DYRK1A: variants seen among roughly 807,000 people sequenced by gnomAD.
The protein encoded by DYRK1A is dual specificity tyrosine phosphorylation regulated kinase 1A.
Under a neutral mutation model 79.7 loss-of-function variants are expected in DYRK1A, and 9 were observed. The observed-to-expected ratio is 0.11, with a 90% CI of 0.07 to 0.20. The LOEUF is 0.20. Ranked by LOEUF, DYRK1A falls within the 10% of genes least tolerant of loss-of-function variation. The pLI, the probability that DYRK1A is intolerant of heterozygous loss-of-function variation, is 1.00. For synonymous variants in DYRK1A, 349 were observed against 329.7 expected (o/e 1.06, Z -0.63); for missense variants, 622 against 956.0 (o/e 0.65, Z 4.61).
At chr21:37,389,178 C>T (rs12482631) in intron 1 of DYRK1A, among the ~76,000 whole-genome samples, 11,778 of 151,182 alleles carry the variant, frequency 0.078, 693 homozygotes, top group Non-Finnish European at 0.12. Context: ...ACTACTTGGC[C>T]TTACTTTTCT....
At chr21:37,442,862 T>C (rs2051150132) in intron 2 of DYRK1A, among the ~76,000 whole-genome samples, 1 of 152,174 alleles carries the variant, frequency 6.6e-6, no homozygotes. Context: ...TGAGACAGGG[T>C]CTCACTCTGT....
chr21:37,422,894 GTACT>G (rs2050514362), intron 2 of DYRK1A, among the ~76,000 whole-genome samples: 1 of 152,140 alleles, frequency 6.6e-6, no homozygotes, highest in African/African-American at 2.4e-5. Flanking sequence ...AGGTGTTCCT[GTACT>G]TACTTAATTT....
At position 37,490,651 on chromosome 21, in the gene DYRK1A, C is replaced by G. The variant is rs548428323; in HGVS notation, c.924+190C>G. Among the ~76,000 whole-genome samples, 172 of 149,750 alleles carry G rather than the reference C, an allele frequency of 1.1e-3. 3 individuals carry two copies. The South Asian group carries it at 0.036, about 31-fold the overall frequency. ...ATTTGAAATGTTAATAAGGTGTATA[C>G]CATTTAGAGGCAATTACAGGATGCT... On this transcript the variant is annotated intron_variant, in intron 7 of 11. Transcript: ENST00000647188.
chr21:37,405,195 C>A (rs1035841144), intron 1 of DYRK1A, among the ~76,000 whole-genome samples: 1 of 152,020 alleles, frequency 6.6e-6, no homozygotes, highest in Admixed American at 6.5e-5. Flanking sequence ...GCAGTTGAAC[C>A]CCGCTTCCCA....
At position 37,482,230 on chromosome 21, in the gene DYRK1A, C is replaced by T. The variant is rs201646992; in HGVS notation, c.489+1404C>T. On this transcript the variant is annotated intron_variant, in intron 5 of 11. Transcript: ENST00000647188. ...TAAAACAGAAAGTGTTCTGTATTATCGGGGGAAATTCAGCCAGATATCGGG... is the reference window on the plus strand; with the variant it reads ...TAAAACAGAAAGTGTTCTGTATTATTGGGGGAAATTCAGCCAGATATCGGG... Among the ~76,000 whole-genome samples, 36 of 84,288 alleles carry T rather than the reference C, an allele frequency of 4.3e-4. No homozygotes were observed. The East Asian group carries it at 0.013, about 31-fold the overall frequency. The allele number at this position is 84,288 out of a possible 152,430, so 55.3% of individuals were successfully genotyped here. A position where few individuals can be genotyped will look rare whatever the true frequency, so the allele number is the denominator to read the frequency against.
chr21:37,490,497 A>T, intron 7 of DYRK1A, 36 bp downstream of exon 7: 1 of 1,582,334 alleles, frequency 6.3e-7, no homozygotes, highest in Non-Finnish European at 8.6e-7. Context: ...ATTAAATAGA[A>T]ATTAAATAGA....
intron 2 of DYRK1A, among the ~76,000 whole-genome samples, chr21:37,432,284 C>T (rs2050796942): frequency 6.6e-6 from 1 of 151,928 alleles, no homozygotes; most frequent in Non-Finnish European, 1.5e-5. Context: ...GTCCAATAGT[C>T]CAGTAGTTAA....
intron 2 of DYRK1A, among the ~76,000 whole-genome samples, chr21:37,461,657 GT>G (rs1317062926): frequency 1.3e-5 from 2 of 152,104 alleles, no homozygotes; most frequent in African/African-American, 4.8e-5. Flanking sequence ...AGATTTGTAG[GT>G]TAAAGGTCTT....
intron 5 of DYRK1A, among the ~76,000 whole-genome samples, chr21:37,481,997 G>A (rs955536082): frequency 1.3e-5 from 2 of 152,168 alleles, no homozygotes; most frequent in Non-Finnish European, 2.9e-5. Flanking sequence ...TGCAGCCCTT[G>A]TGGAATGAGA....
chr21:37,489,049 A>G (rs1027144380), intron 6 of DYRK1A, among the ~76,000 whole-genome samples: 1 of 152,138 alleles, frequency 6.6e-6, no homozygotes, highest in African/African-American at 2.4e-5. Flanking sequence ...TAGATCACCT[A>G]TACCATGAAA....
intron 1 of DYRK1A, among the ~76,000 whole-genome samples, chr21:37,403,530 G>A (rs755605122): frequency 2.8e-4 from 42 of 151,934 alleles, no homozygotes; most frequent in Non-Finnish European, 4.7e-4. Flanking sequence ...CAGTGGTGCA[G>A]TCATAGTTCA....
intron 9 of DYRK1A, 92 bp downstream of exon 9, chr21:37,496,350 G>T (rs2053269136): frequency 7.6e-7 from 1 of 1,317,062 alleles, no homozygotes; most frequent in Middle Eastern, 2.0e-4. Context: ...CTTGAAATCA[G>T]TGTGTTTCAG....
intron 2 of DYRK1A, among the ~76,000 whole-genome samples, chr21:37,432,226 G>A (rs1376644705): frequency 6.6e-6 from 1 of 152,074 alleles, no homozygotes; most frequent in East Asian, 1.9e-4. Flanking sequence ...GAAGAGGATG[G>A]CACTGTTACC....
intron 1 of DYRK1A, among the ~76,000 whole-genome samples, chr21:37,399,074 A>G (rs1436717914): frequency 1.3e-5 from 2 of 152,140 alleles, no homozygotes; most frequent in African/African-American, 2.4e-5. Flanking sequence ...AAGCAGAGCT[A>G]AGATTGGTTA....
intron 9 of DYRK1A, 134 bp from the exon 10 acceptor site, chr21:37,505,149 G>A: frequency 1.4e-6 from 1 of 700,348 alleles, no homozygotes; most frequent in Non-Finnish European, 2.4e-6. Flanking sequence ...TGAAAAGGCA[G>A]AGGATTTAAC....
chr21:37,484,130 G>A (rs1340090970), intron 5 of DYRK1A, among the ~76,000 whole-genome samples: 4 of 152,270 alleles, frequency 2.6e-5, no homozygotes, highest in Non-Finnish European at 4.4e-5. Context: ...AACTGTGCAT[G>A]CGAGGGATCT....
rs1465071741 is a variant in DYRK1A, at chr21:37,523,363, GA to G, written c.*10833del. The G allele has an allele frequency of 1.3e-5, 2 of 152,256 alleles. No homozygotes were observed. The highest frequency in any genetic ancestry group is 2.4e-5 in the African/African-American group (1 of 41,462). 9.4% of individuals were successfully genotyped at this position (152,256 alleles called of 1,614,324 possible). A position where few individuals can be genotyped will look rare whatever the true frequency, so the allele number is the denominator to read the frequency against. On this transcript the variant is annotated 3_prime_UTR_variant, in exon 12 of 12. Coordinates refer to ENST00000647188, the MANE Select transcript of DYRK1A (RefSeq NM_001347721.2). ...TTCGTTTAGGCCCCTTTCTTTGTGAGAGGGGGCCCCAGGATTATGCCCCGGG... is the reference window on the plus strand; with the variant it reads ...TTCGTTTAGGCCCCTTTCTTTGTGAGGGGGGCCCCAGGATTATGCCCCGGG...
chr21:37,489,417 G>A (rs1281445306), intron 6 of DYRK1A, among the ~76,000 whole-genome samples: 1 of 152,104 alleles, frequency 6.6e-6, no homozygotes, highest in African/African-American at 2.4e-5. Context: ...CCTTTTTAGA[G>A]GGTCAACAGT....
intron 11 of DYRK1A, among the ~76,000 whole-genome samples, chr21:37,507,302 G>T (rs1232384693): frequency 6.6e-6 from 1 of 152,074 alleles, no homozygotes; most frequent in African/African-American, 2.4e-5. Flanking sequence ...TTGCCCTTTG[G>T]TCTCCCTCAG....
Sources: allele counts gnomAD v4.1 joint callset (sites outside exome capture counted in the v4.1 genomes callset), GRCh38; gene constraint gnomAD v4.1.1; transcripts MANE v1.5; gene names NCBI Gene and HGNC (gene_info 2026-07-23, HGNC 2026-07-21).